The following LMO2 variants were observed in gnomAD, a reference collection of about 807,000 sequenced individuals.
LMO2 encodes the protein rhombotin-2.
A neutral mutation model predicts 23.2 loss-of-function variants in LMO2; 20 were observed. The ratio of observed to expected loss-of-function variants is 0.86; its 90% CI spans 0.61 to 1.25. The LOEUF is 1.25. Ranked by LOEUF, LMO2 falls within the 50% of genes most tolerant of loss-of-function variation. The probability of loss-of-function intolerance (pLI) is 0.00; values close to 1 mark genes in which losing one functional copy is unlikely to be tolerated. For synonymous variants in LMO2, 123 were observed against 130.2 expected (o/e 0.94, Z 0.38); for missense variants, 270 against 315.3 (o/e 0.86, Z 1.09).
intron 1 of LMO2, among the ~76,000 whole-genome samples, chr11:33,883,584 G>C: frequency 6.6e-6 from 1 of 152,196 alleles, no homozygotes; most frequent in Non-Finnish European, 1.5e-5. Flanking sequence ...TTGGATTAGG[G>C]AGAGATCAGA....
intron 1 of LMO2, among the ~76,000 whole-genome samples, chr11:33,882,326 C>A (rs1420389812): frequency 6.6e-6 from 1 of 152,188 alleles, no homozygotes; most frequent in East Asian, 1.9e-4. Flanking sequence ...GTGTCTCACG[C>A]TTTGCAAATC....
Position 33,864,472 on chromosome 11 carries a change from C to T in LMO2, c.464+130G>A. On this transcript the variant is annotated intron_variant, in intron 5 of 5. Transcript: ENST00000257818. This position sits in a 1 kb window ranked among gnomAD's most constrained non-coding sequence, Gnocchi z 4.8. ...CACAGGAGCTGAGACTCAGCCTCTG[C>T]AGTCTGACCTCTTTCTATAGGTGGT... 1.5e-6 allele frequency: 1 copy of T among 678,654 alleles called. No individual in the cohort carries two copies. The allele number at this position is 678,654 out of a possible 1,614,324, so 42.0% of individuals were successfully genotyped here.
chr11:33,870,321 C>A (rs1001082056), intron 2 of LMO2: 4 of 973,026 alleles, frequency 4.1e-6, no homozygotes, highest in Non-Finnish European at 4.9e-6. Context: ...CAAGAAAAGA[C>A]AAGAATGTGA....
At position 33,869,683 on chromosome 11, in the gene LMO2, A is replaced by AGCT. The variant is rs553052789; in HGVS notation, c.7+24_7+26dup. ...GCGCAGCCTGGCTCCAGGCGGCTGC[A>AGCT]GCTGCTGCTGCTGCTCAGGACTTAA... On this transcript the variant is annotated intron_variant, in intron 3 of 5. Transcript: ENST00000257818. The AGCT allele has an allele frequency of 4.4e-4, 554 of 1,271,706 alleles. 2 individuals carry two copies. The highest frequency in any genetic ancestry group is 3.0e-3 in the South Asian group (135 of 44,748). The allele number at this position is 1,271,706 out of a possible 1,614,324, so 78.8% of individuals were successfully genotyped here.
At chr11:33,886,507 G>A (rs549396146) in intron 1 of LMO2, among the ~76,000 whole-genome samples, 3 of 152,270 alleles carry the variant, frequency 2.0e-5, no homozygotes, top group South Asian at 4.1e-4. Context: ...TTGCCGAGGT[G>A]TCCCAGCGCT....
chr11:33,872,064 G>T (rs1857037606), intron 2 of LMO2, among the ~76,000 whole-genome samples: 1 of 152,110 alleles, frequency 6.6e-6, no homozygotes, highest in Non-Finnish European at 1.5e-5. Flanking sequence ...GCCGAGGCGG[G>T]TGGATCACTT....
chr11:33,889,606 T>G (rs913933880), intron 1 of LMO2, among the ~76,000 whole-genome samples: 13 of 152,192 alleles, frequency 8.5e-5, no homozygotes, highest in African/African-American at 3.1e-4. Flanking sequence ...GCTCTTGTTA[T>G]AAAACAATGA....
chr11:33,890,492 C>A (rs1000711231), intron 1 of LMO2, among the ~76,000 whole-genome samples: 1 of 152,110 alleles, frequency 6.6e-6, no homozygotes, highest in Non-Finnish European at 1.5e-5. Flanking sequence ...GCTGGGATTA[C>A]AGGGATGAGC....
intron 2 of LMO2, among the ~76,000 whole-genome samples, chr11:33,878,764 C>G (rs949932262): frequency 6.6e-6 from 1 of 152,216 alleles, no homozygotes; most frequent in African/African-American, 2.4e-5. Flanking sequence ...GTCCTAGTGC[C>G]TAGCTAGGTG....
Position 33,859,577 on chromosome 11 carries a change from T to C in LMO2, c.465-2A>G. 1 of 1,613,658 alleles carries C rather than the reference T, an allele frequency of 6.2e-7. No individual in the cohort carries two copies. Among genetic ancestry groups the C allele is most frequent in the Non-Finnish European group, 8.5e-7 (1 of 1,179,882 alleles). On this transcript the variant is annotated splice_acceptor_variant, in intron 5 of 5. Transcript: ENST00000257818. LOFTEE classifies it high-confidence loss of function. ...CAGAGACCGTCTTGCCCAAAAAGCC[T>C]GGGGCAAAAGAAAGAAAAGCTAAGA...
chr11:33,860,362 T>C (rs1396688966), intron 5 of LMO2, among the ~76,000 whole-genome samples: 1 of 152,172 alleles, frequency 6.6e-6, no homozygotes, highest in African/African-American at 2.4e-5. Context: ...TCAGGCAGTA[T>C]TCAGTGTCAA....
intron 1 of LMO2, among the ~76,000 whole-genome samples, chr11:33,889,387 T>C (rs1857489979): frequency 6.6e-6 from 1 of 152,154 alleles, no homozygotes; most frequent in Non-Finnish European, 1.5e-5. Context: ...CCAGGCCAGA[T>C]ACGGGCCAGG....
rs1856687781 is a variant in LMO2 at position 33,864,211 on chromosome 11, A to G, written c.464+391T>C. Among the ~76,000 whole-genome samples, 1 of 152,116 alleles carries G rather than the reference A, an allele frequency of 6.6e-6. No homozygotes were observed. Among genetic ancestry groups the G allele is most frequent in the Admixed American group, 6.6e-5 (1 of 15,216 alleles). On this transcript the variant is annotated intron_variant, in intron 5 of 5. Transcript: ENST00000257818. This position sits in a 1 kb window ranked among gnomAD's most constrained non-coding sequence, Gnocchi z 4.8. Reference sequence around the variant, plus strand: ...ATACATATATGTTCTGAAGCATTCAAATGAGGTCCTCAGAGCCCACCTCCA... The same window carrying G: ...ATACATATATGTTCTGAAGCATTCAGATGAGGTCCTCAGAGCCCACCTCCA...
chr11:33,873,653 A>C (rs775482387), intron 2 of LMO2, among the ~76,000 whole-genome samples: 3 of 152,198 alleles, frequency 2.0e-5, no homozygotes, highest in Non-Finnish European at 4.4e-5. Flanking sequence ...TGGGACTGAA[A>C]TTTCATTCCT....
At position 33,869,481 on chromosome 11, in the gene LMO2, GCGCCGC is replaced by G. The variant is rs780680772; in HGVS notation, c.107_112del (p.Gly36_Gly37del). On this transcript the variant is annotated inframe_deletion, in exon 4 of 6. Transcript: ENST00000257818. The stretch of plus-strand genomic sequence containing the variant: ...GGCTCGGACCCCCTCGGGTGCTCGG[GCGCCGC>G]CGCCGCCGCCGCCGTCGCCGCCGCT... 1.7e-5 allele frequency: 20 copies of G among 1,206,478 alleles called. No homozygotes were observed. Among genetic ancestry groups the G allele is most frequent in the Middle Eastern group, 3.4e-4 (1 of 2,962 alleles). 74.7% of individuals were successfully genotyped at this position (1,206,478 alleles called of 1,614,324 possible).
chr11:33,863,495 G>A (rs917335160), intron 5 of LMO2, among the ~76,000 whole-genome samples: 2 of 152,212 alleles, frequency 1.3e-5, no homozygotes, highest in African/African-American at 4.8e-5. Context: ...GGGCGCTGAG[G>A]TCTCAACAAG....
At chr11:33,873,507 C>T (rs186728459) in intron 2 of LMO2, among the ~76,000 whole-genome samples, 5 of 152,318 alleles carry the variant, frequency 3.3e-5, no homozygotes, top group Admixed American at 6.5e-5. Context: ...TTAAAGCAAT[C>T]ATGACCTTAT....
At chr11:33,879,459 TAAAA>T (rs750003431) in intron 2 of LMO2, among the ~76,000 whole-genome samples, 3 of 125,486 alleles carry the variant, frequency 2.4e-5, no homozygotes, top group Admixed American at 8.2e-5. Flanking sequence ...TGTCTCTACT[TAAAA>T]AAAAAAAAAA....
intron 2 of LMO2, among the ~76,000 whole-genome samples, chr11:33,876,764 G>C (rs1424689386): frequency 6.6e-6 from 1 of 152,210 alleles, no homozygotes; most frequent in Non-Finnish European, 1.5e-5. Flanking sequence ...AGGCTTTGGA[G>C]AGAGAAAGGC....
Sources: allele counts gnomAD v4.1 joint callset (sites outside exome capture counted in the v4.1 genomes callset), GRCh38; gene constraint gnomAD v4.1.1; non-coding constraint Gnocchi (gnomAD v3.1); transcripts MANE v1.5; gene names NCBI Gene and HGNC (gene_info 2026-07-23, HGNC 2026-07-21).